The following HEMK2 variants were observed in gnomAD, a reference collection of about 807,000 sequenced individuals.
The protein encoded by HEMK2 is HemK methyltransferase 2, ETF1 glutamine and histone H4 lysine.
the HEMK2 span, among the ~76,000 whole-genome samples, chr21:28,602,596 A>G: frequency 6.6e-6 from 1 of 152,190 alleles, no homozygotes; most frequent in Non-Finnish European, 1.5e-5. Flanking sequence ...AGTGCATAGA[A>G]ATCACAAGCT....
At chr21:28,582,734 A>G in the HEMK2 span, among the ~76,000 whole-genome samples, 22 of 152,364 alleles carry the variant, frequency 1.4e-4, no homozygotes, top group East Asian at 3.9e-3. Flanking sequence ...ACAATTATTG[A>G]TATCTTATAA....
chr21:28,833,299 A>C, the HEMK2 span, among the ~76,000 whole-genome samples: 4 of 152,262 alleles, frequency 2.6e-5, no homozygotes, highest in Non-Finnish European at 5.9e-5. Context: ...TGTGCACACA[A>C]GGCCAAGCAA....
chr21:28,638,961 T>A, the HEMK2 span, among the ~76,000 whole-genome samples: 4 of 152,158 alleles, frequency 2.6e-5, no homozygotes, highest in Admixed American at 2.6e-4. Context: ...ACAAGGCCAG[T>A]CTAGATTCAA....
At chr21:28,715,389 G>A in the HEMK2 span, among the ~76,000 whole-genome samples, 13 of 152,082 alleles carry the variant, frequency 8.5e-5, no homozygotes, top group South Asian at 4.1e-4. Context: ...TTTCACTGAT[G>A]ATTAGTGATG....
the HEMK2 span, among the ~76,000 whole-genome samples, chr21:28,775,852 A>C: frequency 6.6e-6 from 1 of 152,194 alleles, no homozygotes; most frequent in South Asian, 2.1e-4. Context: ...TTGTTATTTA[A>C]GAGAAAATAA....
the HEMK2 span, among the ~76,000 whole-genome samples, chr21:28,624,928 T>C: frequency 4.6e-5 from 7 of 152,234 alleles, no homozygotes; most frequent in African/African-American, 1.4e-4. Context: ...AGCTAATAGA[T>C]GTCAAGGCTC....
chr21:28,864,179 TG>T, the HEMK2 span, among the ~76,000 whole-genome samples: 1 of 152,108 alleles, frequency 6.6e-6, no homozygotes, highest in Non-Finnish European at 1.5e-5. Context: ...TCCCCTTGGC[TG>T]GATGAAAGGA....
At chr21:28,718,572 A>G in the HEMK2 span, among the ~76,000 whole-genome samples, 8 of 152,094 alleles carry the variant, frequency 5.3e-5, no homozygotes, top group Non-Finnish European at 1.2e-4. Flanking sequence ...TAGGTCTAGA[A>G]GTACTTGTTT....
At chr21:28,669,963 T>C in the HEMK2 span, among the ~76,000 whole-genome samples, 8 of 152,150 alleles carry the variant, frequency 5.3e-5, no homozygotes, top group South Asian at 2.1e-4. Flanking sequence ...TATATACTAC[T>C]AGGAAGTATT....
chr21:28,745,946 C>T, the HEMK2 span, among the ~76,000 whole-genome samples: 4 of 152,178 alleles, frequency 2.6e-5, no homozygotes, highest in Admixed American at 6.5e-5. Context: ...CATTAACACT[C>T]CCAGACAGAG....
chr21:28,882,613 GA>G, the HEMK2 span, among the ~76,000 whole-genome samples: 2 of 151,562 alleles, frequency 1.3e-5, no homozygotes, highest in African/African-American at 2.4e-5. Flanking sequence ...CACAGGAAAT[GA>G]AAAAAAACAG....
the HEMK2 span, among the ~76,000 whole-genome samples, chr21:28,869,662 A>T: frequency 0.67 from 101,349 of 152,120 alleles, 34,002 homozygotes; most frequent in Non-Finnish European, 0.7. Flanking sequence ...CTTAGAGGTT[A>T]CAGGCTGACT....
At chr21:28,582,696 ATAATT>A in the HEMK2 span, among the ~76,000 whole-genome samples, 9 of 152,232 alleles carry the variant, frequency 5.9e-5, no homozygotes, top group Non-Finnish European at 5.9e-5. Flanking sequence ...TTCATACAAA[ATAATT>A]TATTTCATTG....
chr21:28,849,068 G>A, the HEMK2 span, among the ~76,000 whole-genome samples: 3 of 152,188 alleles, frequency 2.0e-5, no homozygotes, highest in Non-Finnish European at 4.4e-5. Context: ...CCACCACCCT[G>A]ACAACATGCT....
chr21:28,623,385 G>T, the HEMK2 span, among the ~76,000 whole-genome samples: 7 of 152,172 alleles, frequency 4.6e-5, no homozygotes, highest in Non-Finnish European at 1.0e-4. Flanking sequence ...CACTGTTGGT[G>T]GGAGTACAAA....
chr21:28,612,390 T>A, the HEMK2 span, among the ~76,000 whole-genome samples: 1 of 152,156 alleles, frequency 6.6e-6, no homozygotes, highest in East Asian at 1.9e-4. Flanking sequence ...CATCCCTTTA[T>A]GATTAAAACT....
the HEMK2 span, among the ~76,000 whole-genome samples, chr21:28,838,985 A>G: frequency 7.6e-5 from 6 of 78,604 alleles, 1 homozygote; most frequent in African/African-American, 4.3e-4. Context: ...ATATATATAT[A>G]TATATATATA....
At chr21:28,655,346 C>T in the HEMK2 span, among the ~76,000 whole-genome samples, 1 of 151,904 alleles carries the variant, frequency 6.6e-6, no homozygotes, top group South Asian at 2.1e-4. Context: ...GAGGTAATTG[C>T]TTGTAAATGT....
chr21:28,831,686 G>GAAAGAAAGAAA, the HEMK2 span, among the ~76,000 whole-genome samples: 1 of 45,746 alleles, frequency 2.2e-5, no homozygotes, highest in Non-Finnish European at 3.9e-5. Flanking sequence ...AAAGAAAGAA[G>GAAAGAAAGAAA]GAAGGAAGGA....
Sources: gnomAD v4.1 joint callset for allele counts (sites outside exome capture counted in the v4.1 genomes callset) on GRCh38, gnomAD v4.1.1 for gene constraint, MANE v1.5 for transcripts, NCBI Gene and HGNC (gene_info 2026-07-23, HGNC 2026-07-21) for gene names.